The following FGD5 variants were observed in gnomAD, a reference collection of about 807,000 sequenced individuals.
FGD5 encodes the protein FYVE, RhoGEF and PH domain-containing protein 5.
FGD5 carries 28 observed loss-of-function variants against 133.4 expected under a neutral mutation model. The ratio of observed to expected loss-of-function variants is 0.21; its 90% CI spans 0.16 to 0.29. The LOEUF (loss-of-function observed/expected upper bound fraction) is 0.29. Among genes scored for constraint, FGD5 ranks in the 10% least tolerant of loss-of-function variants. FGD5 has a pLI of 1.00. For synonymous variants in FGD5, 810 were observed against 776.5 expected (o/e 1.04, Z -0.72); for missense variants, 1,858 against 1,895.2 (o/e 0.98, Z 0.36).
At position 14,822,952 on chromosome 3, in the gene FGD5, G is replaced by A. The variant is rs533221527; in HGVS notation, c.2525+1356G>A. ...TTCTCTTGAGTATTTTGCATGGTTCGCCATCCTGGCTCCATCTTCTCACTA... is the reference window on the plus strand; with the variant it reads ...TTCTCTTGAGTATTTTGCATGGTTCACCATCCTGGCTCCATCTTCTCACTA... On this transcript the variant is annotated intron_variant, in intron 1 of 19. Transcript: ENST00000285046. Among the ~76,000 whole-genome samples, 8 of 152,266 alleles carry A rather than the reference G, an allele frequency of 5.3e-5. No homozygotes were observed. In the South Asian group the frequency reaches 1.5e-3, roughly 28 times the overall value.
intron 9 of FGD5, among the ~76,000 whole-genome samples, chr3:14,902,675 T>C (rs2038264078): frequency 6.6e-6 from 1 of 152,196 alleles, no homozygotes; most frequent in African/African-American, 2.4e-5. Flanking sequence ...CCTCCTCATT[T>C]TGGCATCTTG....
chr3:14,912,898 T>C (rs896141515), intron 11 of FGD5, among the ~76,000 whole-genome samples: 11 of 152,030 alleles, frequency 7.2e-5, no homozygotes, highest in African/African-American at 2.7e-4. Context: ...GAGCCAGGCA[T>C]GGTGGCGTGT....
At position 14,821,754 on chromosome 3, in the gene FGD5, G is replaced by A. The variant is rs1276918980; in HGVS notation, c.2525+158G>A. ...AGTGGCTTTATATCTCTGAGCCTCG[G>A]TTACTTCATCCGTGAAATGGGACTC... is the stretch of plus-strand genomic sequence containing the variant. On this transcript the variant is annotated intron_variant, in intron 1 of 19. Coordinates refer to ENST00000285046, the MANE Select transcript of FGD5 (RefSeq NM_152536.4). 4.7e-6 allele frequency: 5 copies of A among 1,060,436 alleles called. No individual in the cohort carries two copies. The African/African-American group carries it at 4.8e-5, about 10-fold the overall frequency. 65.7% of individuals were successfully genotyped at this position (1,060,436 alleles called of 1,614,324 possible).
intron 1 of FGD5, among the ~76,000 whole-genome samples, chr3:14,841,616 C>T (rs904964300): frequency 2.7e-5 from 4 of 150,678 alleles, no homozygotes; most frequent in African/African-American, 9.8e-5. Flanking sequence ...AAAGTCACAG[C>T]TATAGGGCAT....
intron 4 of FGD5, among the ~76,000 whole-genome samples, chr3:14,891,693 G>A (rs2038030379): frequency 6.6e-6 from 1 of 152,206 alleles, no homozygotes; most frequent in Non-Finnish European, 1.5e-5. Context: ...ATCAGCAGGA[G>A]GTGAGCACAG....
intron 11 of FGD5, 139 bp downstream of exon 11, chr3:14,911,068 G>T: frequency 1.3e-6 from 1 of 758,922 alleles, no homozygotes; most frequent in Non-Finnish European, 2.1e-6. Flanking sequence ...GATCATTCTG[G>T]ACAGCTGAGA....
chr3:14,892,097 C>T (rs891164215), intron 4 of FGD5, among the ~76,000 whole-genome samples: 1 of 152,092 alleles, frequency 6.6e-6, no homozygotes, highest in African/African-American at 2.4e-5. Flanking sequence ...CTGGCCTTCA[C>T]TTGGGGAGAG....
intron 16 of FGD5, chr3:14,923,399 A>C (rs1376870842): frequency 1.7e-6 from 1 of 597,914 alleles, no homozygotes; most frequent in Non-Finnish European, 2.9e-6. Flanking sequence ...TGGGTAGCTA[A>C]GCTTAGGAAT....
intron 10 of FGD5, among the ~76,000 whole-genome samples, chr3:14,908,609 G>A (rs915674502): frequency 3.3e-5 from 5 of 152,050 alleles, no homozygotes; most frequent in Admixed American, 6.5e-5. Flanking sequence ...TTATGGGGCC[G>A]GGTGTGGTGG....
chr3:14,910,285 C>T (rs1316890530), intron 10 of FGD5, among the ~76,000 whole-genome samples: 2 of 152,174 alleles, frequency 1.3e-5, no homozygotes, highest in South Asian at 2.1e-4. Flanking sequence ...ACAAGTCCAA[C>T]GCTTGTCAAC....
chr3:14,882,445 C>A (rs1434063098), intron 4 of FGD5: 1 of 737,464 alleles, frequency 1.4e-6, no homozygotes, highest in Non-Finnish European at 1.7e-6. Flanking sequence ...TGCCTGTAAT[C>A]TCAGCACTTT....
chr3:14,908,406 G>T (rs2038379134), intron 10 of FGD5, among the ~76,000 whole-genome samples: 1 of 152,112 alleles, frequency 6.6e-6, no homozygotes, highest in Non-Finnish European at 1.5e-5. Flanking sequence ...GCTCTGTTCT[G>T]AATGGACTCC....
At chr3:14,860,975 T>G (rs1210169191) in intron 1 of FGD5, among the ~76,000 whole-genome samples, 2 of 152,104 alleles carry the variant, frequency 1.3e-5, no homozygotes, top group Admixed American at 6.6e-5. Flanking sequence ...CAAGACCCTG[T>G]GTCTAAAAAT....
chr3:14,840,585 G>A (rs933716008), intron 1 of FGD5, among the ~76,000 whole-genome samples: 12 of 151,880 alleles, frequency 7.9e-5, no homozygotes, highest in Non-Finnish European at 1.3e-4. Context: ...ATCCACTCCC[G>A]TTCTTTTTAA....
chr3:14,906,156 G>T (rs1158929991), intron 9 of FGD5, among the ~76,000 whole-genome samples: 1 of 152,174 alleles, frequency 6.6e-6, no homozygotes, highest in African/African-American at 2.4e-5. Context: ...CCACAGGAAG[G>T]CCCTCTCCCC....
At chr3:14,844,537 A>C (rs911189801) in intron 1 of FGD5, among the ~76,000 whole-genome samples, 1 of 151,664 alleles carries the variant, frequency 6.6e-6, no homozygotes, top group African/African-American at 2.4e-5. Flanking sequence ...GTTTGTGCAA[A>C]GGAAGGGATA....
chr3:14,879,685 T>C (rs1232916279), intron 2 of FGD5, among the ~76,000 whole-genome samples: 1 of 152,140 alleles, frequency 6.6e-6, no homozygotes, highest in Non-Finnish European at 1.5e-5. Flanking sequence ...AGAGATGTAA[T>C]TGTTTCACAG....
chr3:14,916,039 A>G (rs752349895), intron 11 of FGD5, among the ~76,000 whole-genome samples: 3 of 151,956 alleles, frequency 2.0e-5, no homozygotes, highest in African/African-American at 4.8e-5. Flanking sequence ...CCCCTGGTTG[A>G]TGTTGGTGTC....
At chr3:14,833,421 C>T (rs762974756) in intron 1 of FGD5, among the ~76,000 whole-genome samples, 80 of 152,190 alleles carry the variant, frequency 5.3e-4, no homozygotes, top group Non-Finnish European at 9.1e-4. Context: ...ACACATTAAA[C>T]GATTCTATCT....
Sources: allele counts gnomAD v4.1 joint callset (sites outside exome capture counted in the v4.1 genomes callset), GRCh38; gene constraint gnomAD v4.1.1; transcripts MANE v1.5; gene names NCBI Gene and HGNC (gene_info 2026-07-23, HGNC 2026-07-21).